KCNJ16: variants seen among roughly 807,000 people sequenced by gnomAD.
The protein encoded by KCNJ16 is potassium inwardly rectifying channel subfamily J member 16, also known as inward rectifier potassium channel 16.
KCNJ16 carries 15 observed loss-of-function variants against 18.5 expected under a neutral mutation model. The ratio of observed to expected loss-of-function variants is 0.81; its 90% CI spans 0.54 to 1.25. KCNJ16 has a LOEUF of 1.25. KCNJ16 is among the 50% of genes most tolerant of loss of function. The probability of loss-of-function intolerance (pLI) is 0.00; values close to 1 mark genes in which losing one functional copy is unlikely to be tolerated. For missense variants in KCNJ16, 523 were observed against 525.7 expected (o/e 0.99, Z 0.05); for synonymous variants, 174 against 186.5 (o/e 0.93, Z 0.55).
chr17:70,130,200 C>T (rs1276520679), intron 2 of KCNJ16, among the ~76,000 whole-genome samples: 1 of 152,148 alleles, frequency 6.6e-6, no homozygotes, highest in Non-Finnish European at 1.5e-5. Context: ...CCTACAGCAG[C>T]TTCTTCTGTT....
At chr17:70,115,511 C>T (rs1371780282) in intron 2 of KCNJ16, among the ~76,000 whole-genome samples, 1 of 151,914 alleles carries the variant, frequency 6.6e-6, no homozygotes, top group Non-Finnish European at 1.5e-5. Context: ...CATTTTCTTT[C>T]CAAAGTTATT....
Position 70,132,887 on chromosome 17 carries a change from A to G in KCNJ16, c.800A>G (p.Asp267Gly), listed in dbSNP as rs144191845. ...CATGAGAGCCCTCTGTATGCCCTTGACCGCAAAGCAGTAGCCAAAGATAAC... is the reference window on the plus strand; with the variant it reads ...CATGAGAGCCCTCTGTATGCCCTTGGCCGCAAAGCAGTAGCCAAAGATAAC... The part of the protein sequence containing the change: ...IDHESPLYAL[D>G]RKAVAKDNFE... Residue 267 changes from aspartate to glycine, a missense_variant, in exon 4 of 4, where the codon GAC becomes GGC. Asp to Gly is a moderately conservative substitution (Grantham distance 94). Coordinates refer to ENST00000392671, the MANE Select transcript of KCNJ16 (RefSeq NM_170741.4). The G allele has an allele frequency of 1.2e-6, 2 of 1,614,178 alleles. No homozygotes were observed. The highest frequency in any genetic ancestry group is 4.5e-5 in the East Asian group (2 of 44,880).
At position 70,131,109 on chromosome 17, in the gene KCNJ16, G is replaced by T; in HGVS notation, c.-94+134G>T. 4 of 1,028,598 alleles carry T rather than the reference G, an allele frequency of 3.9e-6. No homozygotes were observed. In the South Asian group the frequency reaches 5.7e-5, roughly 15 times the overall value. The allele number at this position is 1,028,598 out of a possible 1,614,324, so 63.7% of individuals were successfully genotyped here. On this transcript the variant is annotated intron_variant, in intron 3 of 3. Coordinates refer to ENST00000392671, the MANE Select transcript of KCNJ16 (RefSeq NM_170741.4). Reference sequence around the variant, plus strand: ...GGAGAGAAGGGTTCAATTGTAGCGTGCTCCCTTTAAGAGGGAAACGAGATT... The same window carrying T: ...GGAGAGAAGGGTTCAATTGTAGCGTTCTCCCTTTAAGAGGGAAACGAGATT...
chr17:70,116,429 G>GA (rs1370081160), intron 2 of KCNJ16, among the ~76,000 whole-genome samples: 1 of 152,036 alleles, frequency 6.6e-6, no homozygotes, highest in African/African-American at 2.4e-5. Flanking sequence ...AATTTCTTTA[G>GA]AAAAAAATTG....
At chr17:70,105,972 C>T (rs982401901) in intron 2 of KCNJ16, among the ~76,000 whole-genome samples, 5 of 152,156 alleles carry the variant, frequency 3.3e-5, no homozygotes, top group African/African-American at 1.2e-4. Context: ...AAAAATTTCC[C>T]ATGAATCTTG....
At chr17:70,121,435 G>C (rs1020357387) in intron 2 of KCNJ16, among the ~76,000 whole-genome samples, 2 of 152,116 alleles carry the variant, frequency 1.3e-5, no homozygotes, top group Non-Finnish European at 2.9e-5. Context: ...TCTGACCCCA[G>C]TGTTTGTTAG....
intron 1 of KCNJ16, among the ~76,000 whole-genome samples, chr17:70,086,313 T>C (rs1201204344): frequency 6.6e-6 from 1 of 152,216 alleles, no homozygotes. Flanking sequence ...ATTTATTGCA[T>C]AGTAAATTCT....
Position 70,103,214 on chromosome 17 carries a change from GTA to G in KCNJ16, c.-191+2456_-191+2457del, listed in dbSNP as rs555960645. Among the ~76,000 whole-genome samples, 917 of 141,100 alleles carry G rather than the reference GTA, an allele frequency of 6.5e-3. 9 individuals are homozygous for G. The highest frequency in any genetic ancestry group is 0.022 in the African/African-American group (840 of 38,384). The allele number at this position is 141,100 out of a possible 152,430, so 92.6% of individuals were successfully genotyped here. On this transcript the variant is annotated intron_variant, in intron 2 of 3. Transcript: ENST00000392671. ...TATATATGTGTATATATATTTTTGT[GTA>G]TATATATGTGTATTATATATTTATG...
intron 1 of KCNJ16, among the ~76,000 whole-genome samples, chr17:70,079,761 G>A (rs1448670477): frequency 6.6e-6 from 1 of 152,158 alleles, no homozygotes; most frequent in African/African-American, 2.4e-5. Context: ...AGAGGGCAGT[G>A]GCATGATCTC....
At chr17:70,105,434 GA>G (rs2072880180) in intron 2 of KCNJ16, among the ~76,000 whole-genome samples, 1 of 152,124 alleles carries the variant, frequency 6.6e-6, no homozygotes, top group Non-Finnish European at 1.5e-5. Context: ...ATTTCCTGTG[GA>G]AAACAGTCAT....
chr17:70,106,684 C>T (rs1253599820), intron 2 of KCNJ16, among the ~76,000 whole-genome samples: 1 of 152,118 alleles, frequency 6.6e-6, no homozygotes, highest in Non-Finnish European at 1.5e-5. Flanking sequence ...TTCTGACCTG[C>T]AATATTTAAT....
chr17:70,113,213 T>C (rs1263431874), intron 2 of KCNJ16, among the ~76,000 whole-genome samples: 2 of 152,348 alleles, frequency 1.3e-5, no homozygotes, highest in South Asian at 2.1e-4. Flanking sequence ...CCAAGCCAAA[T>C]ACCAGGGAAG....
At chr17:70,080,522 T>C (rs1017939982) in intron 1 of KCNJ16, among the ~76,000 whole-genome samples, 2 of 152,162 alleles carry the variant, frequency 1.3e-5, no homozygotes, top group African/African-American at 4.8e-5. Context: ...TAGCCTCAAA[T>C]ACCCCTGGAC....
intron 1 of KCNJ16, among the ~76,000 whole-genome samples, chr17:70,086,176 T>C (rs1188625760): frequency 6.6e-6 from 1 of 152,196 alleles, no homozygotes; most frequent in Non-Finnish European, 1.5e-5. Context: ...CTGCTCTTGA[T>C]ATGGAAATAC....
chr17:70,118,878 A>C (rs982825312), intron 2 of KCNJ16, among the ~76,000 whole-genome samples: 1 of 152,054 alleles, frequency 6.6e-6, no homozygotes, highest in Non-Finnish European at 1.5e-5. Flanking sequence ...CCTTCCCCCA[A>C]ATTCCCAAAA....
rs2144329941 is a variant in KCNJ16, at chr17:70,134,668, T to G, written c.*1324T>G. ...AAAGAGATATTAGGAACATTCAGAA[T>G]TATTTGTGTTTTGTTTTTGTTTTAC... On this transcript the variant is annotated 3_prime_UTR_variant, in exon 4 of 4. Transcript: ENST00000392671. The G allele has an allele frequency of 6.0e-6, 1 of 167,172 alleles. No homozygotes were observed. The highest frequency in any genetic ancestry group is 1.5e-5 in the Non-Finnish European group (1 of 68,118). The allele number at this position is 167,172 out of a possible 1,614,324, so 10.4% of individuals were successfully genotyped here.
Position 70,080,876 on chromosome 17 carries a change from C to T in KCNJ16, c.-300+5486C>T, listed in dbSNP as rs554302516. On this transcript the variant is annotated intron_variant, in intron 1 of 3. Transcript: ENST00000392671. ...CTAATGGCTGGACCTCAAAATTGTTCGCTAGATCTCCGATTCAAGATTTTC... is the reference window on the plus strand; with the variant it reads ...CTAATGGCTGGACCTCAAAATTGTTTGCTAGATCTCCGATTCAAGATTTTC... Among the ~76,000 whole-genome samples, 8 of 152,240 alleles carry T rather than the reference C, an allele frequency of 5.3e-5. No homozygotes were observed. In the South Asian group the frequency reaches 1.2e-3, roughly 24 times the overall value.
intron 1 of KCNJ16, among the ~76,000 whole-genome samples, chr17:70,099,779 G>A (rs1382569940): frequency 6.6e-6 from 1 of 152,146 alleles, no homozygotes; most frequent in African/African-American, 2.4e-5. Flanking sequence ...ACACAAAAAA[G>A]TGACCCAAAC....
At chr17:70,125,356 GC>G (rs2073816199) in intron 2 of KCNJ16, among the ~76,000 whole-genome samples, 1 of 152,106 alleles carries the variant, frequency 6.6e-6, no homozygotes, top group African/African-American at 2.4e-5. Context: ...CAGAAAAGTG[GC>G]CCAGGTTGCT....
Sources: allele counts gnomAD v4.1 joint callset (sites outside exome capture counted in the v4.1 genomes callset), GRCh38; gene constraint gnomAD v4.1.1; transcripts MANE v1.5; gene names NCBI Gene and HGNC (gene_info 2026-07-23, HGNC 2026-07-21).